Variants in SNRNP70 observed in about 807,000 individuals in gnomAD.
The protein encoded by SNRNP70 is small nuclear ribonucleoprotein U1 subunit 70.
Under a neutral mutation model 50.5 loss-of-function variants are expected in SNRNP70, and 8 were observed. That is an observed-to-expected ratio of 0.16 (90% CI 0.09 to 0.29). The LOEUF (loss-of-function observed/expected upper bound fraction) is 0.29. SNRNP70 is among the 10% of genes least tolerant of loss of function. SNRNP70 has a pLI of 1.00. For missense variants in SNRNP70, 529 were observed against 663.5 expected, an observed-to-expected ratio of 0.80 and a Z score of 2.23; for synonymous variants, 320 against 252.9, an observed-to-expected ratio of 1.27 and a Z score of -2.52.
chr19:49,093,389 A>G (rs2040472603), intron 4 of SNRNP70, among the ~76,000 whole-genome samples: 1 of 151,902 alleles, frequency 6.6e-6, no homozygotes, highest in South Asian at 2.1e-4. Flanking sequence ...CCCGGCCAGA[A>G]ATGCTTTTTA....
chr19:49,106,071 T>C (rs1420342549), intron 8 of SNRNP70, among the ~76,000 whole-genome samples: 1 of 152,218 alleles, frequency 6.6e-6, no homozygotes, highest in Non-Finnish European at 1.5e-5. Context: ...TTGGGGCTCC[T>C]GTCCTGCCTC....
rs2040633032 is a variant in SNRNP70 at position 49,104,192 on chromosome 19, C to T, written c.476-442C>T. ...GTGTGGTCTGGGGTGCGGAGCGTCC[C>T]AGCTGGGCCTCCTGCCCCGGCTTGG... On this transcript the variant is annotated intron_variant, in intron 7 of 9. Transcript: ENST00000598441. The surrounding 1 kb of genome is among the most constrained non-coding windows in gnomAD (Gnocchi z 5.4). 1 of 160,286 alleles carries T rather than the reference C, an allele frequency of 6.2e-6. No individual in the cohort carries two copies. Among genetic ancestry groups the T allele is most frequent in the Admixed American group, 6.5e-5 (1 of 15,454 alleles). The allele number at this position is 160,286 out of a possible 1,614,324, so 9.9% of individuals were successfully genotyped here.
intron 4 of SNRNP70, among the ~76,000 whole-genome samples, chr19:49,091,405 G>A (rs1332994892): frequency 1.3e-5 from 2 of 151,822 alleles, no homozygotes; most frequent in Non-Finnish European, 1.5e-5. Flanking sequence ...TCTATTTACT[G>A]TACCCTTTCT....
At chr19:49,095,353 G>T (rs1019545982) in intron 4 of SNRNP70, among the ~76,000 whole-genome samples, 1 of 152,210 alleles carries the variant, frequency 6.6e-6, no homozygotes, top group African/African-American at 2.4e-5. Flanking sequence ...TGGCGTTGCC[G>T]GGTGTGTTTC....
Position 49,099,738 on chromosome 19 carries a change from T to TAAA in SNRNP70, c.393+1046_393+1048dup, listed in dbSNP as rs71179087. Among the ~76,000 whole-genome samples, 287 of 138,710 alleles carry TAAA rather than the reference T, an allele frequency of 2.1e-3. 8 individuals carry two copies. The highest frequency in any genetic ancestry group is 3.8e-3 in the Middle Eastern group (1 of 262). 91.0% of individuals were successfully genotyped at this position (138,710 alleles called of 152,430 possible). On this transcript the variant is annotated intron_variant, in intron 6 of 9. Transcript: ENST00000598441. ...TGGGCAACAGAGTGGGACTCCATCT[T>TAAA]AAAAAAAAAAAAAAGTATTGTAGGC...
chr19:49,099,897 C>T (rs746428745), intron 6 of SNRNP70, among the ~76,000 whole-genome samples: 10 of 152,088 alleles, frequency 6.6e-5, no homozygotes, highest in Non-Finnish European at 1.2e-4. Flanking sequence ...AAAGATTAGC[C>T]GAGTGTGGTG....
chr19:49,107,440 A>AT lies in SNRNP70; in HGVS notation c.578-183dup, dbSNP rs775947801. Among the ~76,000 whole-genome samples, 1 of 152,188 alleles carries AT rather than the reference A, an allele frequency of 6.6e-6. No individual in the cohort carries two copies. The highest frequency in any genetic ancestry group is 2.4e-5 in the African/African-American group (1 of 41,442). On this transcript the variant is annotated intron_variant, in intron 8 of 9. Transcript: ENST00000598441. This position sits in a 1 kb window ranked among gnomAD's most constrained non-coding sequence, Gnocchi z 6.0. ...CCTAGCGAACGCTTTGTGTGAGTTA[A>AT]TTAGAGAAGACGTGGCTGTCTTGTG...
intron 6 of SNRNP70, among the ~76,000 whole-genome samples, chr19:49,099,284 A>T (rs1199164829): frequency 6.6e-6 from 1 of 152,176 alleles, no homozygotes. Flanking sequence ...TACGTCTTTT[A>T]AAAATATTTA....
Position 49,107,786 on chromosome 19 carries a change from C to G in SNRNP70, c.666-9C>G. The G allele has an allele frequency of 6.2e-7, 1 of 1,609,774 alleles. No homozygotes were observed. The highest frequency in any genetic ancestry group is 8.5e-7 in the Non-Finnish European group (1 of 1,178,524). On this transcript the variant is annotated splice_polypyrimidine_tract_variant and intron_variant, in intron 9 of 9. Coordinates refer to ENST00000598441, the MANE Select transcript of SNRNP70 (RefSeq NM_003089.6). This position sits in a 1 kb window ranked among gnomAD's most constrained non-coding sequence, Gnocchi z 6.0. Reference sequence around the variant, plus strand: ...AGCCCAGCCACACAGGTCTGCCCACCTCATCCAGGCCCGGCCCCTCCCCGC... The same window carrying G: ...AGCCCAGCCACACAGGTCTGCCCACGTCATCCAGGCCCGGCCCCTCCCCGC...
At position 49,086,517 on chromosome 19, in the gene SNRNP70, A is replaced by C. The variant is rs1465087332; in HGVS notation, c.103A>C (p.Asn35His). 1 of 1,614,008 alleles carries C rather than the reference A, an allele frequency of 6.2e-7. No individual in the cohort carries two copies. Among genetic ancestry groups the C allele is most frequent in the South Asian group, 1.1e-5 (1 of 91,074 alleles). Reference sequence around the variant, plus strand: ...GAAACTGCCACATGAAAAACACCACAATCAACCTTATTGTGGCATTGCGCC... The same window carrying C: ...GAAACTGCCACATGAAAAACACCACCATCAACCTTATTGTGGCATTGCGCC... ...LEKLPHEKHHNQPYCGIAPYI... is the reference protein window; with the variant it reads ...LEKLPHEKHHHQPYCGIAPYI... Residue 35 changes from asparagine (N) to histidine (H), a missense_variant, in exon 2 of 10, where the codon AAT becomes CAT. This residue lies in a region of SNRNP70 where 149 missense variants were observed against 259.7 expected (regional missense o/e 0.57). Transcript: ENST00000598441.
chr19:49,093,685 AAAAAAAAC>A (rs1196871773), intron 4 of SNRNP70, among the ~76,000 whole-genome samples: 4 of 141,050 alleles, frequency 2.8e-5, no homozygotes, highest in African/African-American at 7.6e-5. Flanking sequence ...TCTCAAAAAA[AAAAAAAAC>A]AAAAAAAAAA....
rs572061375 is a variant in SNRNP70, at chr19:49,095,663, G to A, written c.266-2764G>A. The stretch of plus-strand genomic sequence containing the variant: ...AGCGATTCTCTTGTCTTAGTCTCCT[G>A]AGTAGCTGGACCACACCCAGCTAAT... On this transcript the variant is annotated intron_variant, in intron 4 of 9. Coordinates refer to ENST00000598441, the MANE Select transcript of SNRNP70 (RefSeq NM_003089.6). Among the ~76,000 whole-genome samples, 5 of 151,260 alleles carry A rather than the reference G, an allele frequency of 3.3e-5. No individual in the cohort carries two copies. In the East Asian group the frequency reaches 9.8e-4, roughly 29 times the overall value.
At chr19:49,094,230 C>T (rs1414093985) in intron 4 of SNRNP70, among the ~76,000 whole-genome samples, 6 of 151,968 alleles carry the variant, frequency 3.9e-5, no homozygotes, top group South Asian at 2.1e-4. Context: ...TCCAGCCGGT[C>T]GTGGTGGTTC....
intron 1 of SNRNP70, 49 bp from the exon 2 acceptor site, chr19:49,086,355 TC>T: frequency 6.5e-7 from 1 of 1,543,226 alleles, no homozygotes; most frequent in Non-Finnish European, 8.7e-7. Context: ...ACAGGGGCTT[TC>T]TCTGTGCAGA....
chr19:49,086,190 G>T (rs2040376514), intron 1 of SNRNP70, among the ~76,000 whole-genome samples: 1 of 152,096 alleles, frequency 6.6e-6, no homozygotes, highest in Admixed American at 6.6e-5. Context: ...CCCTTTTCCA[G>T]CCGTTATTTT....
At position 49,085,490 on chromosome 19, in the gene SNRNP70, C is replaced by T. The variant is rs142330940; in HGVS notation, c.-157C>T. On this transcript the variant is annotated 5_prime_UTR_variant, in exon 1 of 10. Coordinates refer to ENST00000598441, the MANE Select transcript of SNRNP70 (RefSeq NM_003089.6). ...GCCGCGCGGGTGGCTGAGCAGCGGC[C>T]TGGTGCGCTCGCTTAGCGGGCGACG... The T allele has an allele frequency of 2.0e-3, 884 of 452,912 alleles. No individual in the cohort carries two copies. The highest frequency in any genetic ancestry group is 2.8e-3 in the Non-Finnish European group (634 of 224,778). 28.1% of individuals were successfully genotyped at this position (452,912 alleles called of 1,614,324 possible).
At chr19:49,092,092 ATG>A (rs965067353) in intron 4 of SNRNP70, among the ~76,000 whole-genome samples, 1 of 151,242 alleles carries the variant, frequency 6.6e-6, no homozygotes, top group African/African-American at 2.4e-5. Flanking sequence ...TAGTTTACCT[ATG>A]TCTTTTTGTT....
chr19:49,108,127 G>A lies in SNRNP70; in HGVS notation c.998G>A (p.Gly333Glu). 6.5e-7 allele frequency: 1 copy of A among 1,547,246 alleles called. No individual in the cohort carries two copies. The highest frequency in any genetic ancestry group is 8.7e-7 in the Non-Finnish European group (1 of 1,146,956). The change falls in exon 10 of 10, where the codon GGG becomes GAG. Residue 333 changes from glycine (G) to glutamate (E), a missense_variant. Gly to Glu is a moderately conservative substitution (Grantham distance 98). Coordinates refer to ENST00000598441, the MANE Select transcript of SNRNP70 (RefSeq NM_003089.6). Reference sequence around the variant, plus strand: ...GCGCCCCCTGATGATGGGCCTCCAGGGGAGCTCGGGCCTGACGGCCCTGAC... The same window carrying A: ...GCGCCCCCTGATGATGGGCCTCCAGAGGAGCTCGGGCCTGACGGCCCTGAC... ...GDAPPDDGPP[G>E]ELGPDGPDGP... is the part of the protein sequence containing the mutation.
Position 49,104,541 on chromosome 19 carries a change from A to T in SNRNP70, c.476-93A>T. 2 of 933,224 alleles carry T rather than the reference A, an allele frequency of 2.1e-6. No individual in the cohort carries two copies. The highest frequency in any genetic ancestry group is 2.7e-5 in the East Asian group (1 of 37,710). The allele number at this position is 933,224 out of a possible 1,614,324, so 57.8% of individuals were successfully genotyped here. On this transcript the variant is annotated intron_variant, in intron 7 of 9. Coordinates refer to ENST00000598441, the MANE Select transcript of SNRNP70 (RefSeq NM_003089.6). The surrounding 1 kb of genome is among the most constrained non-coding windows in gnomAD (Gnocchi z 5.4). The stretch of plus-strand genomic sequence containing the variant: ...CGTGTGCGTGTGCGTGATGATGGGG[A>T]CACGGGGCGGGGATTCTGTAGAGCT...
Sources: allele counts gnomAD v4.1 joint callset (sites outside exome capture counted in the v4.1 genomes callset), GRCh38; gene constraint gnomAD v4.1.1; regional missense constraint gnomAD v4.1.1; non-coding constraint Gnocchi (gnomAD v3.1); transcripts MANE v1.5; gene names NCBI Gene and HGNC (gene_info 2026-07-23, HGNC 2026-07-21).